The following PPP3CA variants were observed in gnomAD, a reference collection of about 807,000 sequenced individuals.
PPP3CA encodes the protein protein phosphatase 3 catalytic subunit alpha.
A neutral mutation model predicts 66.5 loss-of-function variants in PPP3CA; 14 were observed. The observed-to-expected ratio is 0.21, with a 90% CI of 0.14 to 0.33. The LOEUF (loss-of-function observed/expected upper bound fraction) is 0.33. Among genes scored for constraint, PPP3CA ranks in the 10% least tolerant of loss-of-function variants. PPP3CA has a pLI of 1.00. For missense variants in PPP3CA, 317 were observed against 639.5 expected (o/e 0.50, Z 5.44); for synonymous variants, 232 against 226.2 (o/e 1.03, Z -0.23).
chr4:101,272,313 T>C (rs942195057), intron 1 of PPP3CA, among the ~76,000 whole-genome samples: 1 of 152,188 alleles, frequency 6.6e-6, no homozygotes, highest in Non-Finnish European at 1.5e-5. Context: ...AGACATTGCT[T>C]AGAATTATAA....
intron 1 of PPP3CA, among the ~76,000 whole-genome samples, chr4:101,217,108 T>A (rs543154132): frequency 4.6e-5 from 7 of 152,236 alleles, no homozygotes; most frequent in African/African-American, 1.4e-4. Flanking sequence ...GTTGAAGAAA[T>A]GAGCCACAGT....
At chr4:101,081,330 T>C (rs1037382960) in intron 7 of PPP3CA, among the ~76,000 whole-genome samples, 1 of 152,154 alleles carries the variant, frequency 6.6e-6, no homozygotes, top group Non-Finnish European at 1.5e-5. Flanking sequence ...TCTCTGCTGG[T>C]GTCTACAGGT....
chr4:101,322,577 T>G (rs1729075009), intron 1 of PPP3CA, among the ~76,000 whole-genome samples: 1 of 151,868 alleles, frequency 6.6e-6, no homozygotes, highest in African/African-American at 2.4e-5. Context: ...ACCCGGCTAA[T>G]TTTTGTATTT....
At chr4:101,211,687 C>A (rs1725304109) in intron 1 of PPP3CA, among the ~76,000 whole-genome samples, 1 of 152,114 alleles carries the variant, frequency 6.6e-6, no homozygotes. Context: ...GGGTTCTACA[C>A]AAAATAAATA....
chr4:101,308,299 T>C (rs1354046939), intron 1 of PPP3CA, among the ~76,000 whole-genome samples: 1 of 152,222 alleles, frequency 6.6e-6, no homozygotes. Flanking sequence ...TGACCCAAAG[T>C]AATCCTAAAT....
At chr4:101,044,003 C>T (rs1727651976) in intron 10 of PPP3CA, among the ~76,000 whole-genome samples, 1 of 152,152 alleles carries the variant, frequency 6.6e-6, no homozygotes, top group Non-Finnish European at 1.5e-5. Context: ...AAACTATTCT[C>T]TAAATGTTTT....
At chr4:101,126,711 C>T (rs567983458) in intron 2 of PPP3CA, among the ~76,000 whole-genome samples, 1 of 152,132 alleles carries the variant, frequency 6.6e-6, no homozygotes, top group Non-Finnish European at 1.5e-5. Context: ...GAGACAATAC[C>T]TATTGGCTAC....
intron 1 of PPP3CA, among the ~76,000 whole-genome samples, chr4:101,248,979 T>C (rs1726580594): frequency 6.6e-6 from 1 of 150,714 alleles, no homozygotes; most frequent in Non-Finnish European, 1.5e-5. Flanking sequence ...GCTAACAAGG[T>C]GAAACCCCGT....
intron 2 of PPP3CA, among the ~76,000 whole-genome samples, chr4:101,151,652 C>CTTTTTTTTTTT (rs369745312): frequency 1.2e-5 from 1 of 84,826 alleles, no homozygotes; most frequent in African/African-American, 4.8e-5. Flanking sequence ...CCAAGGTTTC[C>CTTTTTTTTTTT]TTTTTTTTTT....
At chr4:101,333,945 C>T (rs1352299860) in intron 1 of PPP3CA, among the ~76,000 whole-genome samples, 1 of 152,152 alleles carries the variant, frequency 6.6e-6, no homozygotes, top group African/African-American at 2.4e-5. Flanking sequence ...ACCCCAAGAA[C>T]ACAGTGCAGA....
At chr4:101,268,734 C>A (rs957304210) in intron 1 of PPP3CA, among the ~76,000 whole-genome samples, 2 of 152,048 alleles carry the variant, frequency 1.3e-5, no homozygotes, top group African/African-American at 4.8e-5. Context: ...GTCATATATA[C>A]AAGTAACATA....
At chr4:101,225,206 T>C (rs1472825) in intron 1 of PPP3CA, among the ~76,000 whole-genome samples, 23,750 of 151,728 alleles carry the variant, frequency 0.16, 2,691 homozygotes, top group East Asian at 0.31. Context: ...CAATCACTAT[T>C]TGATTTATAA....
chr4:101,112,125 C>A (rs912218140), intron 2 of PPP3CA, among the ~76,000 whole-genome samples: 1 of 151,634 alleles, frequency 6.6e-6, no homozygotes, highest in East Asian at 1.9e-4. Flanking sequence ...TTGTAAACTG[C>A]GGGTTAGGCA....
At chr4:101,274,774 A>G (rs2110270294) in intron 1 of PPP3CA, among the ~76,000 whole-genome samples, 1 of 152,298 alleles carries the variant, frequency 6.6e-6, no homozygotes, top group African/African-American at 2.4e-5. Flanking sequence ...CCACAAATCT[A>G]GTATATGTAA....
At chr4:101,266,480 A>G (rs887147359) in intron 1 of PPP3CA, among the ~76,000 whole-genome samples, 1 of 152,194 alleles carries the variant, frequency 6.6e-6, no homozygotes, top group Non-Finnish European at 1.5e-5. Context: ...TTACAGTATT[A>G]TATAGCGTGA....
intron 1 of PPP3CA, among the ~76,000 whole-genome samples, chr4:101,346,189 G>T (rs1277765986): frequency 6.6e-6 from 1 of 151,548 alleles, no homozygotes. Flanking sequence ...CTTCCAGGGG[G>T]AGGGGGAGGG....
At chr4:101,310,556 C>G (rs552787136) in intron 1 of PPP3CA, among the ~76,000 whole-genome samples, 1 of 152,086 alleles carries the variant, frequency 6.6e-6, no homozygotes. Context: ...ACCCATAGTT[C>G]TAGCTACTCA....
chr4:101,225,612 T>C (rs1725756859), intron 1 of PPP3CA, among the ~76,000 whole-genome samples: 1 of 151,834 alleles, frequency 6.6e-6, no homozygotes, highest in African/African-American at 2.4e-5. Context: ...AATTAGGATT[T>C]TATGTTTAAG....
intron 5 of PPP3CA, among the ~76,000 whole-genome samples, chr4:101,096,533 T>C (rs1730203673): frequency 6.6e-6 from 1 of 152,198 alleles, no homozygotes; most frequent in Non-Finnish European, 1.5e-5. Flanking sequence ...GTGTATCAGT[T>C]TTGTTCAAAT....
Sources: allele counts gnomAD v4.1 joint callset (sites outside exome capture counted in the v4.1 genomes callset), GRCh38; gene constraint gnomAD v4.1.1; transcripts MANE v1.5; gene names NCBI Gene and HGNC (gene_info 2026-07-23, HGNC 2026-07-21).